The following SHQ1 variants were observed in gnomAD, a reference collection of about 807,000 sequenced individuals.
SHQ1 encodes protein SHQ1 homolog.
In SHQ1, 49 loss-of-function variants were observed where a neutral mutation model predicts 53.8. The observed-to-expected ratio is 0.91, with a 90% CI of 0.72 to 1.16. SHQ1 has a LOEUF of 1.16. Ranked by LOEUF, SHQ1 falls within the 50% of genes most tolerant of loss-of-function variation. SHQ1 has a pLI of 0.00. For synonymous variants in SHQ1, 243 were observed against 251.0 expected (o/e 0.97, Z 0.30); for missense variants, 738 against 683.1 (o/e 1.08, Z -0.90).
chr3:72,803,772 T>G (rs1253594748), intron 9 of SHQ1, among the ~76,000 whole-genome samples: 1 of 152,214 alleles, frequency 6.6e-6, no homozygotes, highest in Non-Finnish European at 1.5e-5. Flanking sequence ...ACTTTATTTA[T>G]GGACTCTAAA....
At chr3:72,745,998 C>G (rs11927166), downstream of SHQ1, among the ~76,000 whole-genome samples, 36,635 of 151,866 alleles carry the variant, frequency 0.24, 4,605 homozygotes, top group African/African-American at 0.26. Context: ...CCGCCACCAC[C>G]CCCAGGTAAG....
intron 9 of SHQ1, among the ~76,000 whole-genome samples, chr3:72,803,579 G>A (rs1706854993): frequency 2.0e-5 from 3 of 152,100 alleles, no homozygotes; most frequent in Admixed American, 2.0e-4. Flanking sequence ...CCTACAAAAG[G>A]GCTCCCCTCC....
At chr3:72,838,895 G>T (rs1046550831) in intron 4 of SHQ1, among the ~76,000 whole-genome samples, 1 of 151,254 alleles carries the variant, frequency 6.6e-6, no homozygotes, top group Non-Finnish European at 1.5e-5. Context: ...CTAAGTAATA[G>T]ATGTCTAGGT....
chr3:72,820,544 T>C (rs1305835687), intron 6 of SHQ1, among the ~76,000 whole-genome samples: 2 of 152,162 alleles, frequency 1.3e-5, no homozygotes, highest in Non-Finnish European at 1.5e-5. Context: ...ATTAGAGCTG[T>C]AAATCATATC....
chr3:72,830,517 G>A (rs1385811575), intron 5 of SHQ1, among the ~76,000 whole-genome samples: 2 of 151,344 alleles, frequency 1.3e-5, no homozygotes, highest in Non-Finnish European at 2.9e-5. Context: ...AAAGCACTGA[G>A]CTAAAAAAAA....
At chr3:72,786,848 A>T (rs1314506005) in intron 10 of SHQ1, among the ~76,000 whole-genome samples, 3 of 152,182 alleles carry the variant, frequency 2.0e-5, no homozygotes, top group African/African-American at 7.2e-5. Flanking sequence ...TGCAATTCTG[A>T]TGTTGCACCT....
intron 10 of SHQ1, among the ~76,000 whole-genome samples, chr3:72,755,298 GGATA>G (rs958018087): frequency 1.8e-4 from 28 of 152,098 alleles, no homozygotes; most frequent in African/African-American, 6.8e-4. Context: ...ATGGATGGAT[GGATA>G]GATGGATGGA....
the SHQ1 span, among the ~76,000 whole-genome samples, chr3:72,730,880 C>G: frequency 6.7e-6 from 1 of 150,074 alleles, no homozygotes; most frequent in African/African-American, 2.4e-5. Context: ...CACATAGATA[C>G]AAAGATAATC....
intron 10 of SHQ1, among the ~76,000 whole-genome samples, chr3:72,787,634 G>A (rs563276375): frequency 7.9e-4 from 120 of 152,298 alleles, no homozygotes; most frequent in African/African-American, 2.7e-3. Flanking sequence ...GTATTATCAT[G>A]AGTATAAAAC....
chr3:72,748,072 C>A (rs1705286961), downstream of SHQ1, among the ~76,000 whole-genome samples: 1 of 151,404 alleles, frequency 6.6e-6, no homozygotes, highest in African/African-American at 2.4e-5. Flanking sequence ...ATCAGCCAGG[C>A]TGAAAAACTC....
chr3:72,837,962 C>G (rs189156532), intron 4 of SHQ1, among the ~76,000 whole-genome samples: 3 of 129,330 alleles, frequency 2.3e-5, no homozygotes, highest in African/African-American at 1.1e-4. Context: ...CACTTGATTT[C>G]TAAGTCTGGT....
intron 6 of SHQ1, among the ~76,000 whole-genome samples, chr3:72,819,521 T>G (rs1057045494): frequency 2.6e-5 from 4 of 152,168 alleles, no homozygotes; most frequent in African/African-American, 9.7e-5. Flanking sequence ...ACATGAAGTC[T>G]CTTTAAGATT....
chr3:72,815,583 T>C (rs1707287325), intron 7 of SHQ1, among the ~76,000 whole-genome samples, 180 bp from the exon 8 acceptor site: 1 of 152,236 alleles, frequency 6.6e-6, no homozygotes, highest in African/African-American at 2.4e-5. Context: ...GTGGGAAGTT[T>C]CTGTTTACTC....
chr3:72,769,774 C>G (rs1297497646), intron 10 of SHQ1, among the ~76,000 whole-genome samples: 2 of 152,152 alleles, frequency 1.3e-5, no homozygotes, highest in South Asian at 2.1e-4. Flanking sequence ...TAACAGAGAC[C>G]ACATGGGCTA....
At chr3:72,821,255 G>A (rs569931631) in intron 6 of SHQ1, among the ~76,000 whole-genome samples, 3 of 152,274 alleles carry the variant, frequency 2.0e-5, no homozygotes, top group South Asian at 4.1e-4. Flanking sequence ...TCCCTGCTAG[G>A]AAGTTCATTG....
At chr3:72,836,399 A>G (rs1328877409) in intron 4 of SHQ1, among the ~76,000 whole-genome samples, 2 of 152,092 alleles carry the variant, frequency 1.3e-5, no homozygotes, top group South Asian at 2.1e-4. Context: ...TGAGGCAGGA[A>G]AATGGGGTGA....
rs369246048 is a variant in SHQ1, at chr3:72,793,047, T to C, written c.1061-11A>G. The C allele has an allele frequency of 1.6e-5, 25 of 1,590,132 alleles. No homozygotes were observed. The highest frequency in any genetic ancestry group is 1.7e-4 in the Middle Eastern group (1 of 5,952). On this transcript the variant is annotated splice_polypyrimidine_tract_variant and intron_variant, in intron 9 of 10. Transcript: ENST00000325599. ...AAACTGCACTTTTACCTAAAGAAAA[T>C]TGAAAAAACATAAAATTATCCTTAA...
intron 10 of SHQ1, among the ~76,000 whole-genome samples, chr3:72,784,068 TG>T (rs968114373): frequency 6.6e-6 from 1 of 151,566 alleles, no homozygotes; most frequent in African/African-American, 2.4e-5. Context: ...GTAGGGTACA[TG>T]GGAACTCTGT....
At chr3:72,826,822 C>T (rs1707673118) in intron 5 of SHQ1, among the ~76,000 whole-genome samples, 3 of 152,172 alleles carry the variant, frequency 2.0e-5, no homozygotes, top group Admixed American at 2.0e-4. Flanking sequence ...AGAAGCTGAA[C>T]ATAATATAGT....
Sources: gnomAD v4.1 joint callset for allele counts (sites outside exome capture counted in the v4.1 genomes callset) on GRCh38, gnomAD v4.1.1 for gene constraint, MANE v1.5 for transcripts, NCBI Gene and HGNC (gene_info 2026-07-23, HGNC 2026-07-21) for gene names.